Variants in SIL1 observed in about 807,000 individuals in gnomAD.
SIL1 encodes SIL1 nucleotide exchange factor.
Under a neutral mutation model 49.1 loss-of-function variants are expected in SIL1, and 40 were observed. That is an observed-to-expected ratio of 0.81 (90% CI 0.63 to 1.06). SIL1 has a LOEUF of 1.06. Among genes scored for constraint, SIL1 ranks in the 50% least tolerant of loss-of-function variants. The probability of loss-of-function intolerance (pLI) is 0.00; values close to 1 mark genes in which losing one functional copy is unlikely to be tolerated. For synonymous variants in SIL1, 253 were observed against 250.8 expected (o/e 1.01, Z -0.08); for missense variants, 500 against 572.6 (o/e 0.87, Z 1.29).
At position 139,179,376 on chromosome 5, in the gene SIL1, A is replaced by T. The variant is rs577380415; in HGVS notation, c.-11+18893T>A. 9.2e-5 allele frequency among the ~76,000 whole-genome samples: 14 copies of T among 152,360 alleles called. No homozygotes were observed. In the South Asian group the frequency reaches 2.9e-3, roughly 32 times the overall value. ...TAAACCCTCTTTTACTCCTTGGATG[A>T]AGCAGAGATGTGCCCAAACACTAAA... On this transcript the variant is annotated intron_variant, in intron 1 of 9. Transcript: ENST00000394817.
intron 7 of SIL1, among the ~76,000 whole-genome samples, chr5:139,015,173 C>A (rs1389879730): frequency 6.6e-6 from 1 of 152,158 alleles, no homozygotes; most frequent in African/African-American, 2.4e-5. Flanking sequence ...TGAGCACCCA[C>A]CCAATACTAG....
intron 1 of SIL1, among the ~76,000 whole-genome samples, chr5:139,160,136 T>TCCAC (rs1252120232): frequency 2.5e-5 from 3 of 119,300 alleles, no homozygotes; most frequent in Non-Finnish European, 3.4e-5. Flanking sequence ...CAATCACATT[T>TCCAC]CCACAATCAC....
At chr5:139,128,651 CAA>C (rs55731110) in intron 1 of SIL1, among the ~76,000 whole-genome samples, 67 of 125,954 alleles carry the variant, frequency 5.3e-4, no homozygotes, top group Non-Finnish European at 6.8e-4. Context: ...CCCATCCCTC[CAA>C]AAAAAAAAAA....
At chr5:139,085,730 A>T (rs1380470922) in intron 3 of SIL1, among the ~76,000 whole-genome samples, 1 of 152,168 alleles carries the variant, frequency 6.6e-6, no homozygotes. Context: ...AGGCAAATAT[A>T]TACCAGGGGC....
At chr5:139,112,589 T>G (rs1770883917) in intron 3 of SIL1, among the ~76,000 whole-genome samples, 2 of 147,922 alleles carry the variant, frequency 1.4e-5, no homozygotes. Context: ...GTCTGGGAAG[T>G]GAGGAGTGTC....
rs1490321324 is a variant in SIL1, at chr5:139,021,291, A to C, written c.647T>G (p.Met216Arg). ...LFDLEYYVHQ[M>R]DNAQDLLSFG... is the part of the protein sequence containing the mutation. ...GGAAAGCAGGTCCTGCGCATTGTCCATCTGCAACAGAGCCACTGCTTAGTA... is the reference window on the plus strand; with the variant it reads ...GGAAAGCAGGTCCTGCGCATTGTCCCTCTGCAACAGAGCCACTGCTTAGTA... Residue 216 changes from methionine (M) to arginine (R), a missense_variant and splice_region_variant, in exon 7 of 10, where the codon ATG (methionine) becomes AGG (arginine). Transcript: ENST00000394817. The C allele has an allele frequency of 1.2e-6, 2 of 1,614,154 alleles. No individual in the cohort carries two copies. Among genetic ancestry groups the C allele is most frequent in the Non-Finnish European group, 1.7e-6 (2 of 1,180,022 alleles).
At chr5:139,041,267 G>A (rs1341732018) in intron 5 of SIL1, among the ~76,000 whole-genome samples, 1 of 152,220 alleles carries the variant, frequency 6.6e-6, no homozygotes, top group African/African-American at 2.4e-5. Flanking sequence ...CACTCTCCGT[G>A]TAGGAGAAGT....
intron 7 of SIL1, among the ~76,000 whole-genome samples, chr5:138,985,586 C>A (rs1767633110): frequency 6.6e-6 from 1 of 152,200 alleles, no homozygotes; most frequent in African/African-American, 2.4e-5. Context: ...GAACTCAGGG[C>A]ACACTTCTCA....
chr5:139,143,306 TACACACACACACACACAC>T (rs752710937), intron 1 of SIL1, among the ~76,000 whole-genome samples: 20 of 123,726 alleles, frequency 1.6e-4, no homozygotes, highest in South Asian at 1.0e-3. Flanking sequence ...TATACATATA[TACACACACACACACACAC>T]ACACACACAC....
intron 4 of SIL1, among the ~76,000 whole-genome samples, chr5:139,045,428 T>C (rs1048797861): frequency 2.0e-5 from 3 of 152,136 alleles, no homozygotes; most frequent in African/African-American, 7.2e-5. Context: ...CCTTACTCCT[T>C]CTCCAACTCT....
rs149703007 is a variant in SIL1 at position 139,169,544 on chromosome 5, C to A, written c.-11+28725G>T. Among the ~76,000 whole-genome samples the A allele has an allele frequency of 7.9e-3, 1,180 of 149,760 alleles. 7 individuals carry two copies. The highest frequency in any genetic ancestry group is 0.013 in the Admixed American group (200 of 14,968). Reference sequence around the variant, plus strand: ...CAGGCTGGACTGGAGTGCAATGGCACAATCTCCACTCACTGCAACCTCCGC... The same window carrying A: ...CAGGCTGGACTGGAGTGCAATGGCAAAATCTCCACTCACTGCAACCTCCGC... On this transcript the variant is annotated intron_variant, in intron 1 of 9. Coordinates refer to ENST00000394817, the MANE Select transcript of SIL1 (RefSeq NM_022464.5).
intron 3 of SIL1, among the ~76,000 whole-genome samples, chr5:139,093,434 G>A (rs1177376479): frequency 6.6e-6 from 1 of 152,186 alleles, no homozygotes; most frequent in Non-Finnish European, 1.5e-5. Flanking sequence ...TCAGAGCGCA[G>A]TTAGCTCCAT....
At chr5:139,010,795 C>T (rs1412213983) in intron 7 of SIL1, among the ~76,000 whole-genome samples, 1 of 151,954 alleles carries the variant, frequency 6.6e-6, no homozygotes, top group Non-Finnish European at 1.5e-5. Flanking sequence ...GGTCAGGGAC[C>T]CACTTGAAGA....
chr5:139,057,892 A>T (rs1000600047), intron 3 of SIL1, among the ~76,000 whole-genome samples: 1 of 152,178 alleles, frequency 6.6e-6, no homozygotes, highest in Non-Finnish European at 1.5e-5. Flanking sequence ...ACATGGTGGA[A>T]GGGGCCAGGA....
At chr5:138,980,510 A>C (rs997243992) in intron 7 of SIL1, among the ~76,000 whole-genome samples, 15 of 152,222 alleles carry the variant, frequency 9.9e-5, no homozygotes, top group Admixed American at 2.0e-4. Flanking sequence ...TGCAGCATCA[A>C]GAAAGGTATT....
intron 1 of SIL1, among the ~76,000 whole-genome samples, chr5:139,162,795 T>C (rs1751539818): frequency 6.6e-6 from 1 of 152,142 alleles, no homozygotes; most frequent in Non-Finnish European, 1.5e-5. Flanking sequence ...ATCTCGTCCC[T>C]ACTCTCATGA....
chr5:139,174,961 GAATAAAAGA>G (rs1339153577), intron 1 of SIL1, among the ~76,000 whole-genome samples: 26 of 122,788 alleles, frequency 2.1e-4, no homozygotes, highest in African/African-American at 7.8e-4. Context: ...AAAAAAAAAA[GAATAAAAGA>G]AAAAAATAAT....
At chr5:139,046,921 A>G (rs1031888670) in intron 4 of SIL1, among the ~76,000 whole-genome samples, 2 of 152,326 alleles carry the variant, frequency 1.3e-5, no homozygotes, top group South Asian at 2.1e-4. Context: ...ATGACCAGAT[A>G]ATATCTTACT....
intron 3 of SIL1, among the ~76,000 whole-genome samples, chr5:139,065,814 C>G (rs1351454803): frequency 1.3e-5 from 2 of 152,212 alleles, no homozygotes; most frequent in Non-Finnish European, 2.9e-5. Context: ...TCCAAGTACC[C>G]AGGCAGAAGT....
Sources: gnomAD v4.1 joint callset for allele counts (sites outside exome capture counted in the v4.1 genomes callset) on GRCh38, gnomAD v4.1.1 for gene constraint, MANE v1.5 for transcripts, NCBI Gene and HGNC (gene_info 2026-07-23, HGNC 2026-07-21) for gene names.